The following EPB41L1 variants were observed in gnomAD, a reference collection of about 807,000 sequenced individuals.
EPB41L1 encodes the protein erythrocyte membrane protein band 4.1 like 1.
Under a neutral mutation model 97.8 loss-of-function variants are expected in EPB41L1, and 29 were observed. The observed-to-expected ratio is 0.30, with a 90% CI of 0.22 to 0.40. The LOEUF (loss-of-function observed/expected upper bound fraction) is 0.40, where lower values mean the gene tolerates loss of function less well. Among genes scored for constraint, EPB41L1 ranks in the 10% least tolerant of loss-of-function variants. The pLI is 1.00. For synonymous variants in EPB41L1, 383 were observed against 459.2 expected (o/e 0.83, Z 2.12); for missense variants, 812 against 1,162.3 (o/e 0.70, Z 4.38).
intron 17 of EPB41L1, 60 bp downstream of exon 17, chr20:36,214,500 G>A: frequency 7.1e-7 from 1 of 1,404,568 alleles, no homozygotes; most frequent in Non-Finnish European, 9.9e-7. Context: ...CAAACAGCCA[G>A]AGAACAAGCT....
chr20:36,196,996 G>A (rs1489347126), intron 13 of EPB41L1, among the ~76,000 whole-genome samples: 11 of 152,320 alleles, frequency 7.2e-5, no homozygotes, highest in Admixed American at 5.2e-4. Context: ...GTGCCCAGCT[G>A]TGGGACTTAC....
At chr20:36,107,275 C>T (rs1333134814) in intron 1 of EPB41L1, among the ~76,000 whole-genome samples, 1 of 139,698 alleles carries the variant, frequency 7.2e-6, no homozygotes, top group South Asian at 2.3e-4. Flanking sequence ...GGCTGGAGTG[C>T]AATGGCATGA....
At chr20:36,202,485 C>A (rs930326214) in intron 14 of EPB41L1, among the ~76,000 whole-genome samples, 1 of 152,096 alleles carries the variant, frequency 6.6e-6, no homozygotes, top group Non-Finnish European at 1.5e-5. Context: ...TTACCCTGGA[C>A]CCCCTCCTCG....
intron 1 of EPB41L1, among the ~76,000 whole-genome samples, chr20:36,164,933 G>A (rs372588724): frequency 1.3e-5 from 2 of 151,904 alleles, no homozygotes; most frequent in Non-Finnish European, 1.5e-5. Context: ...TGATCCACCC[G>A]CCTCACCCTC....
intron 2 of EPB41L1, among the ~76,000 whole-genome samples, chr20:36,142,139 AC>A (rs2059663880): frequency 6.6e-6 from 1 of 152,024 alleles, no homozygotes; most frequent in African/African-American, 2.4e-5. Context: ...AGAAAAAAGA[AC>A]AAAAAACGTA....
At chr20:36,149,676 C>T (rs1161375416) in intron 2 of EPB41L1, 1 of 152,408 alleles carries the variant, frequency 6.6e-6, no homozygotes, top group Non-Finnish European at 1.5e-5. Context: ...TCATGCTGCT[C>T]TGTTAAGTTT....
At chr20:36,108,580 A>G (rs537112509) in intron 1 of EPB41L1, among the ~76,000 whole-genome samples, 1 of 152,198 alleles carries the variant, frequency 6.6e-6, no homozygotes, top group East Asian at 1.9e-4. Flanking sequence ...AAGCTGAGGC[A>G]TGAGAATTGC....
chr20:36,092,192 G>T lies in EPB41L1; in HGVS notation c.-65+580G>T, dbSNP rs1415682126. Among the ~76,000 whole-genome samples the T allele has an allele frequency of 6.6e-6, 1 of 152,218 alleles. No individual in the cohort carries two copies. The highest frequency in any genetic ancestry group is 2.4e-5 in the African/African-American group (1 of 41,466). On this transcript the variant is annotated intron_variant, in intron 1 of 19. Transcript: ENST00000202028. This position sits in a 1 kb window ranked among gnomAD's most constrained non-coding sequence, Gnocchi z 7.0. ...GGCCAGGTCCTGGCTGGAGGTAGAC[G>T]AGGTCGGCGAGCTGGGCGCGGGGCC...
At chr20:36,175,523 C>T (rs2061190449) in intron 2 of EPB41L1, 28 bp from the exon 3 acceptor site, 1 of 1,614,124 alleles carries the variant, frequency 6.2e-7, no homozygotes, top group South Asian at 1.1e-5. Context: ...ACTCACTGAG[C>T]AAACTATTCC....
At chr20:36,169,250 C>T (rs369349148) in intron 1 of EPB41L1, among the ~76,000 whole-genome samples, 25 of 151,738 alleles carry the variant, frequency 1.6e-4, no homozygotes, top group Admixed American at 1.2e-3. Flanking sequence ...GTGGCAACTC[C>T]GGCTCAGAAA....
At chr20:36,174,399 A>G (rs1312371276) in intron 2 of EPB41L1, among the ~76,000 whole-genome samples, 4 of 151,636 alleles carry the variant, frequency 2.6e-5, no homozygotes, top group Admixed American at 6.6e-5. Context: ...CAGCCTCCTT[A>G]GTAACTGGGA....
intron 14 of EPB41L1, chr20:36,200,980 T>C: frequency 2.2e-6 from 1 of 457,096 alleles, no homozygotes; most frequent in South Asian, 1.5e-5. Flanking sequence ...CTCCTGAGGT[T>C]ACTGTCTTCA....
chr20:36,121,087 AAG>A (rs2058737938), intron 2 of EPB41L1, among the ~76,000 whole-genome samples: 1 of 151,122 alleles, frequency 6.6e-6, no homozygotes, highest in African/African-American at 2.4e-5. Context: ...AAAAAAAAAA[AAG>A]AGAGCGATCT....
At chr20:36,169,221 CAA>C (rs1351633399) in intron 1 of EPB41L1, among the ~76,000 whole-genome samples, 18 of 73,342 alleles carry the variant, frequency 2.5e-4, no homozygotes, top group Admixed American at 3.1e-4. Context: ...GACTCTGTCT[CAA>C]AAAAAAAAAA....
At chr20:36,108,198 T>C (rs781096165) in intron 1 of EPB41L1, among the ~76,000 whole-genome samples, 9 of 152,012 alleles carry the variant, frequency 5.9e-5, no homozygotes, top group Non-Finnish European at 1.0e-4. Context: ...CAGGCTGGTC[T>C]TGAACTCCTG....
chr20:36,201,444 G>A (rs1384702149), intron 14 of EPB41L1, among the ~76,000 whole-genome samples: 1 of 152,186 alleles, frequency 6.6e-6, no homozygotes, highest in African/African-American at 2.4e-5. Flanking sequence ...CAGGGGTCAT[G>A]GCACCCAAAT....
At chr20:36,117,647 TTC>T (rs1338965440) in intron 2 of EPB41L1, among the ~76,000 whole-genome samples, 1 of 135,606 alleles carries the variant, frequency 7.4e-6, no homozygotes, top group East Asian at 1.9e-4. Context: ...GGTAAGTAAC[TTC>T]TCCAAGGTTA....
At position 36,207,909 on chromosome 20, in the gene EPB41L1, C is replaced by T. The variant is rs1314986352; in HGVS notation, c.1669-1579C>T. 2 of 1,057,692 alleles carry T rather than the reference C, an allele frequency of 1.9e-6. No individual in the cohort carries two copies. Among genetic ancestry groups the T allele is most frequent in the East Asian group, 6.0e-5 (1 of 16,702 alleles). The allele number at this position is 1,057,692 out of a possible 1,614,324, so 65.5% of individuals were successfully genotyped here. A position where few individuals can be genotyped will look rare whatever the true frequency, so the allele number is the denominator to read the frequency against. On this transcript the variant is annotated intron_variant, in intron 14 of 21. Transcript: ENST00000338074. This position sits in a 1 kb window ranked among gnomAD's most constrained non-coding sequence, Gnocchi z 4.9. ...ATTTCTGCAATCAGAGGCTGCTTATCCATCCCTGTGAGTTTTTTCCCTAAA... is the reference window on the plus strand; with the variant it reads ...ATTTCTGCAATCAGAGGCTGCTTATTCATCCCTGTGAGTTTTTTCCCTAAA...
chr20:36,232,439 C>T lies in EPB41L1; in HGVS notation c.*3099C>T, dbSNP rs980637703. On this transcript the variant is annotated 3_prime_UTR_variant, in exon 22 of 22. Coordinates refer to ENST00000338074, the MANE Select transcript of EPB41L1 (RefSeq NM_012156.2). ...AAATAAGCAGAAAGAACCAGATGCT[C>T]TCCAGGGTCTTTTTCTACTTTGCTA... The T allele has an allele frequency of 1.5e-5, 6 of 395,938 alleles. No individual in the cohort carries two copies. The highest frequency in any genetic ancestry group is 2.7e-5 in the Non-Finnish European group (6 of 224,802). 24.5% of individuals were successfully genotyped at this position (395,938 alleles called of 1,614,324 possible). A position where few individuals can be genotyped will look rare whatever the true frequency, so the allele number is the denominator to read the frequency against.
Sources: gnomAD v4.1 joint callset for allele counts (sites outside exome capture counted in the v4.1 genomes callset) on GRCh38, gnomAD v4.1.1 for gene constraint, Gnocchi (gnomAD v3.1) non-coding constraint, MANE v1.5 for transcripts, NCBI Gene and HGNC (gene_info 2026-07-23, HGNC 2026-07-21) for gene names.